ZRANB3: variants seen among roughly 807,000 people sequenced by gnomAD.
ZRANB3 encodes DNA annealing helicase and endonuclease ZRANB3.
In ZRANB3, 125 loss-of-function variants were observed where a neutral mutation model predicts 133.8. The observed-to-expected ratio is 0.93, with a 90% CI of 0.81 to 1.08. The LOEUF is 1.08. Among genes scored for constraint, ZRANB3 ranks in the 50% least tolerant of loss-of-function variants. The pLI, the probability that ZRANB3 is intolerant of heterozygous loss-of-function variation, is 0.00. For synonymous variants in ZRANB3, 387 were observed against 432.7 expected, an observed-to-expected ratio of 0.89 and a Z score of 1.31; for missense variants, 1,229 against 1,275.5, an observed-to-expected ratio of 0.96 and a Z score of 0.56.
At chr2:135,454,560 A>C (rs1229328729) in intron 2 of ZRANB3, among the ~76,000 whole-genome samples, 2 of 152,128 alleles carry the variant, frequency 1.3e-5, no homozygotes, top group Non-Finnish European at 2.9e-5. Flanking sequence ...ACTCTACCCA[A>C]AAGATGACTT....
At chr2:135,311,518 C>T (rs559496207) in intron 8 of ZRANB3, among the ~76,000 whole-genome samples, 1 of 151,780 alleles carries the variant, frequency 6.6e-6, no homozygotes, top group South Asian at 2.1e-4. Context: ...AATGATTATA[C>T]CACTTTGACT....
rs1003471421 is a variant in ZRANB3 at position 135,453,466 on chromosome 2, C to G, written c.161+50863G>C. Among the ~76,000 whole-genome samples the G allele has an allele frequency of 5.9e-5, 9 of 152,216 alleles. No individual in the cohort carries two copies. The East Asian group carries it at 7.7e-4, about 13-fold the overall frequency. On this transcript the variant is annotated intron_variant, in intron 2 of 20. Transcript: ENST00000264159. ...TGCAAATTTTCCAAACTTTTATGCT[C>G]TGTTTCCCTTTTAAAACGGAATGCC...
rs762577827 is a variant in ZRANB3 at position 135,288,818 on chromosome 2, AAT to A, written c.967-13065_967-13064del. Among the ~76,000 whole-genome samples, 29 of 151,404 alleles carry A rather than the reference AAT, an allele frequency of 1.9e-4. No individual in the cohort carries two copies. The East Asian group carries it at 4.3e-3, about 22-fold the overall frequency. On this transcript the variant is annotated intron_variant, in intron 8 of 20. Transcript: ENST00000264159. ...TCTTCTTTTCTTGGTTAGCCTCACT[AAT>A]AGTCTATCAACTTTGTTTATATTTT... is the stretch of plus-strand genomic sequence containing the variant.
intron 2 of ZRANB3, among the ~76,000 whole-genome samples, chr2:135,468,843 A>G (rs1691121702): frequency 6.6e-6 from 1 of 152,242 alleles, no homozygotes; most frequent in Admixed American, 6.5e-5. Flanking sequence ...GGAGAGAACT[A>G]AGGATCAGTG....
At chr2:135,406,598 C>T (rs946906499) in intron 2 of ZRANB3, among the ~76,000 whole-genome samples, 2 of 152,154 alleles carry the variant, frequency 1.3e-5, no homozygotes, top group African/African-American at 4.8e-5. Context: ...CCGAATCCAG[C>T]AGCACATCAA....
At chr2:135,406,158 G>T (rs1399246714) in intron 2 of ZRANB3, among the ~76,000 whole-genome samples, 6 of 152,256 alleles carry the variant, frequency 3.9e-5, no homozygotes, top group Admixed American at 3.9e-4. Context: ...CGATCCCACA[G>T]AAACACAAAC....
intron 1 of ZRANB3, chr2:135,530,595 T>C (rs2104856190): frequency 6.6e-6 from 1 of 152,338 alleles, no homozygotes; most frequent in South Asian, 2.1e-4. Context: ...TAAGCGGAAG[T>C]GACGTTCAAC....
At chr2:135,393,926 C>T (rs1687358552) in intron 2 of ZRANB3, among the ~76,000 whole-genome samples, 2 of 152,160 alleles carry the variant, frequency 1.3e-5, no homozygotes, top group African/African-American at 2.4e-5. Flanking sequence ...GGCACGATCT[C>T]GGCTCACTGC....
intron 2 of ZRANB3, among the ~76,000 whole-genome samples, chr2:135,432,290 A>C (rs781681740): frequency 3.3e-5 from 5 of 152,164 alleles, no homozygotes; most frequent in Admixed American, 6.5e-5. Flanking sequence ...CATAGTAAAA[A>C]AAATTTTAAA....
chr2:135,504,002 C>G (rs951575650), intron 2 of ZRANB3, among the ~76,000 whole-genome samples: 2 of 151,392 alleles, frequency 1.3e-5, no homozygotes, highest in South Asian at 4.2e-4. Flanking sequence ...GACAAAAAAA[C>G]AAAAAACGAT....
Position 135,230,945 on chromosome 2 carries a change from T to C in ZRANB3, c.1540-18A>G. ...TTTTCGAACTAGGAAAAGCAAACAG[T>C]AGTTATCAAAGTAAGAAGCAATCTA... On this transcript the variant is annotated intron_variant, in intron 12 of 20. Transcript: ENST00000264159. 1 of 1,523,152 alleles carries C rather than the reference T, an allele frequency of 6.6e-7. No individual in the cohort carries two copies. The highest frequency in any genetic ancestry group is 1.4e-5 in the African/African-American group (1 of 71,950). 94.4% of individuals were successfully genotyped at this position (1,523,152 alleles called of 1,614,324 possible). A position where few individuals can be genotyped will look rare whatever the true frequency, so the allele number is the denominator to read the frequency against.
chr2:135,213,431 C>T (rs2105046100), intron 17 of ZRANB3, among the ~76,000 whole-genome samples: 1 of 152,250 alleles, frequency 6.6e-6, no homozygotes, highest in East Asian at 1.9e-4. Context: ...ATGGTTATTC[C>T]AAATTACTGA....
intron 12 of ZRANB3, among the ~76,000 whole-genome samples, chr2:135,262,230 T>C (rs1398823268): frequency 6.6e-6 from 1 of 151,204 alleles, no homozygotes; most frequent in Non-Finnish European, 1.5e-5. Flanking sequence ...AATAATCTAA[T>C]TTTTAGCAAT....
intron 2 of ZRANB3, among the ~76,000 whole-genome samples, chr2:135,400,067 C>T (rs1490238407): frequency 6.6e-6 from 1 of 151,904 alleles, no homozygotes; most frequent in Non-Finnish European, 1.5e-5. Flanking sequence ...TGGTGAAAAC[C>T]CATCTCTACT....
At chr2:135,354,600 A>G (rs1685349490) in intron 3 of ZRANB3, among the ~76,000 whole-genome samples, 1 of 152,262 alleles carries the variant, frequency 6.6e-6, no homozygotes, top group African/African-American at 2.4e-5. Context: ...CGGTAATAAA[A>G]AAAGAATGAA....
chr2:135,301,286 A>T (rs1349946052), intron 8 of ZRANB3, among the ~76,000 whole-genome samples: 1 of 151,824 alleles, frequency 6.6e-6, no homozygotes, highest in Admixed American at 6.6e-5. Context: ...CCTGGGTTCA[A>T]GCAATTCTCC....
intron 1 of ZRANB3, among the ~76,000 whole-genome samples, chr2:135,508,734 A>G (rs1364727711): frequency 6.6e-6 from 1 of 152,112 alleles, no homozygotes; most frequent in African/African-American, 2.4e-5. Flanking sequence ...ATTCTTTTCT[A>G]TTTATAGGAT....
At chr2:135,354,774 G>A (rs1344594004) in intron 3 of ZRANB3, among the ~76,000 whole-genome samples, 1 of 152,150 alleles carries the variant, frequency 6.6e-6, no homozygotes, top group Non-Finnish European at 1.5e-5. Context: ...GCTGGAGGTG[G>A]GGGAGGGGAA....
At chr2:135,299,805 T>C (rs767896128) in intron 8 of ZRANB3, among the ~76,000 whole-genome samples, 3 of 152,220 alleles carry the variant, frequency 2.0e-5, no homozygotes, top group African/African-American at 4.8e-5. Flanking sequence ...TTCTGTAGCA[T>C]AGCGTTGTAC....
Sources: allele counts gnomAD v4.1 joint callset (sites outside exome capture counted in the v4.1 genomes callset), GRCh38; gene constraint gnomAD v4.1.1; transcripts MANE v1.5; gene names NCBI Gene and HGNC (gene_info 2026-07-23, HGNC 2026-07-21).